Variants in HIRA observed in about 807,000 individuals in gnomAD.
The protein encoded by HIRA is histone cell cycle regulator, also known as protein HIRA.
HIRA carries 13 observed loss-of-function variants against 126.6 expected under a neutral mutation model. That is an observed-to-expected ratio of 0.10 (90% confidence interval 0.07 to 0.16). HIRA has a LOEUF of 0.16. HIRA is among the 10% of genes least tolerant of loss of function. The pLI, the probability that HIRA is intolerant of heterozygous loss-of-function variation, is 1.00. For missense variants in HIRA, 834 were observed against 1,314.4 expected (o/e 0.63, Z 5.65); for synonymous variants, 511 against 520.0 (o/e 0.98, Z 0.24).
chr22:19,380,065 C>T (rs916302993), intron 13 of HIRA, among the ~76,000 whole-genome samples: 3 of 152,184 alleles, frequency 2.0e-5, no homozygotes, highest in East Asian at 1.9e-4. Context: ...CCTCAGCCTC[C>T]GAAAGTGCTG....
At chr22:19,421,597 C>T (rs530732119) in intron 1 of HIRA, among the ~76,000 whole-genome samples, 1 of 152,190 alleles carries the variant, frequency 6.6e-6, no homozygotes, top group Non-Finnish European at 1.5e-5. Context: ...ACTTCTTTCA[C>T]AGTCTTACTG....
At chr22:19,407,158 TG>T (rs767568277) in intron 4 of HIRA, 25 bp downstream of exon 4, 1 of 1,575,818 alleles carries the variant, frequency 6.3e-7, no homozygotes. Flanking sequence ...AAAAATAAAA[TG>T]TGAAGAAAGG....
intron 1 of HIRA, among the ~76,000 whole-genome samples, chr22:19,417,189 G>C (rs1245076599): frequency 2.0e-5 from 3 of 151,660 alleles, no homozygotes; most frequent in Non-Finnish European, 4.4e-5. Context: ...GACAGTGTGA[G>C]ACTCTGTCTC....
chr22:19,394,617 G>A (rs1358244734), intron 7 of HIRA, 108 bp from the exon 8 acceptor site: 3 of 1,108,150 alleles, frequency 2.7e-6, no homozygotes, highest in African/African-American at 3.1e-5. Flanking sequence ...TGATGGTGGA[G>A]CATGCACCCC....
intron 4 of HIRA, 85 bp downstream of exon 4, chr22:19,407,099 G>A: frequency 1.8e-6 from 2 of 1,103,336 alleles, no homozygotes; most frequent in Non-Finnish European, 2.8e-6. Flanking sequence ...GAACTTCAGT[G>A]ACAGGGTAGG....
chr22:19,335,184 T>C (rs2088551037), intron 24 of HIRA, among the ~76,000 whole-genome samples: 1 of 152,212 alleles, frequency 6.6e-6, no homozygotes, highest in Admixed American at 6.5e-5. Context: ...ACTTCACTTC[T>C]ACATATGTTA....
At chr22:19,346,985 T>C (rs1420089151) in intron 24 of HIRA, among the ~76,000 whole-genome samples, 1 of 152,104 alleles carries the variant, frequency 6.6e-6, no homozygotes, top group Non-Finnish European at 1.5e-5. Context: ...GCTCCTTCTG[T>C]CTATACCACC....
chr22:19,431,499 G>A lies in HIRA; in HGVS notation c.-23C>T. 1 of 1,564,666 alleles carries A rather than the reference G, an allele frequency of 6.4e-7. No individual in the cohort carries two copies. Among genetic ancestry groups the A allele is most frequent in the South Asian group, 1.1e-5 (1 of 89,306 alleles). ...CATTGTTCGGCCGCCGCCGCCGCCG[G>A]GCTGAGGCGAGCGCCGGGTCCCTCA... On this transcript the variant is annotated 5_prime_UTR_variant, in exon 1 of 25. Coordinates refer to ENST00000263208, the MANE Select transcript of HIRA (RefSeq NM_003325.4).
chr22:19,367,755 A>C (rs1451296999), intron 15 of HIRA, among the ~76,000 whole-genome samples: 2 of 152,232 alleles, frequency 1.3e-5, no homozygotes, highest in Non-Finnish European at 2.9e-5. Context: ...ATGGATTCAA[A>C]GTAGTACTTG....
intron 24 of HIRA, among the ~76,000 whole-genome samples, chr22:19,337,620 T>C (rs1402049028): frequency 1.3e-5 from 2 of 152,144 alleles, no homozygotes; most frequent in Non-Finnish European, 2.9e-5. Flanking sequence ...TTCCCTGACC[T>C]TGCTAGAGAT....
chr22:19,430,998 G>A (rs2089531814), intron 1 of HIRA, among the ~76,000 whole-genome samples: 1 of 152,204 alleles, frequency 6.6e-6, no homozygotes, highest in Non-Finnish European at 1.5e-5. Context: ...ATCCAGAGGG[G>A]CAGTAACAGT....
At chr22:19,398,453 G>A (rs986809671) in intron 5 of HIRA, among the ~76,000 whole-genome samples, 6 of 152,146 alleles carry the variant, frequency 3.9e-5, no homozygotes, top group African/African-American at 1.4e-4. Flanking sequence ...AGCCTTCTGA[G>A]CATGAGACAC....
chr22:19,361,589 A>G (rs2088864499), intron 16 of HIRA, 138 bp downstream of exon 16: 1 of 877,314 alleles, frequency 1.1e-6, no homozygotes, highest in Non-Finnish European at 1.8e-6. Context: ...TCCATGCTAC[A>G]TTCCAGGGGC....
chr22:19,353,687 C>T (rs782630907), intron 22 of HIRA, among the ~76,000 whole-genome samples, 168 bp from the exon 23 acceptor site: 4 of 152,212 alleles, frequency 2.6e-5, no homozygotes, highest in Admixed American at 6.5e-5. Flanking sequence ...TGTTGTCTGC[C>T]CATCCCCACG....
At chr22:19,367,067 T>C (rs2088920663) in intron 15 of HIRA, among the ~76,000 whole-genome samples, 1 of 152,156 alleles carries the variant, frequency 6.6e-6, no homozygotes, top group South Asian at 2.1e-4. Flanking sequence ...CTGGCCTTTA[T>C]TGGCATACAT....
rs1601811571 is a variant in HIRA, at chr22:19,353,851, C to T, written c.2684+145G>A. The T allele has an allele frequency of 9.7e-6, 10 of 1,031,352 alleles. No homozygotes were observed. In the East Asian group the frequency reaches 2.6e-4, roughly 27 times the overall value. The allele number at this position is 1,031,352 out of a possible 1,614,324, so 63.9% of individuals were successfully genotyped here. A position where few individuals can be genotyped will look rare whatever the true frequency, so the allele number is the denominator to read the frequency against. Reference sequence around the variant, plus strand: ...CCTCAGCACCCCTAGTCCGTCCTGCCCAGCCTGCCTGTGCTGACCAGCACC... The same window carrying T: ...CCTCAGCACCCCTAGTCCGTCCTGCTCAGCCTGCCTGTGCTGACCAGCACC... On this transcript the variant is annotated intron_variant, in intron 22 of 24. Coordinates refer to ENST00000263208, the MANE Select transcript of HIRA (RefSeq NM_003325.4).
At chr22:19,427,387 C>CTGGA (rs1220384795) in intron 1 of HIRA, among the ~76,000 whole-genome samples, 22 of 152,350 alleles carry the variant, frequency 1.4e-4, no homozygotes, top group Admixed American at 4.6e-4. Flanking sequence ...CGGCAGCAGG[C>CTGGA]TGGACCTTAC....
rs2088654092 is a variant in HIRA at position 19,343,531 on chromosome 22, C to CCAT, written c.2937+7826_2937+7827insATG. Among the ~76,000 whole-genome samples the CCAT allele has an allele frequency of 5.3e-5, 8 of 152,222 alleles. 1 individual carries two copies. The South Asian group carries it at 1.7e-3, about 32-fold the overall frequency. ...TAAGTCGAGATTACACCAATGTACT[C>CCAT]CAGCCTGGGTGGCAGAGTCAGACTC... On this transcript the variant is annotated intron_variant, in intron 24 of 24. Transcript: ENST00000263208.
chr22:19,391,483 CTTTT>C (rs574374874), intron 9 of HIRA, among the ~76,000 whole-genome samples: 4 of 137,752 alleles, frequency 2.9e-5, no homozygotes, highest in East Asian at 2.1e-4. Context: ...TTTTCTTTTT[CTTTT>C]TTTTTTTTTT....
Sources: allele counts gnomAD v4.1 joint callset (sites outside exome capture counted in the v4.1 genomes callset), GRCh38; gene constraint gnomAD v4.1.1; transcripts MANE v1.5; gene names NCBI Gene and HGNC (gene_info 2026-07-23, HGNC 2026-07-21).